The following CATSPERE variants were observed in gnomAD, a reference collection of about 807,000 sequenced individuals.
The protein encoded by CATSPERE is cation channel sperm-associated auxiliary subunit epsilon.
CATSPERE carries 93 observed loss-of-function variants against 114.1 expected under a neutral mutation model. The observed-to-expected ratio is 0.81, with a 90% CI of 0.69 to 0.97. CATSPERE has a LOEUF of 0.97. Among genes scored for constraint, CATSPERE ranks in the 50% least tolerant of loss-of-function variants. The pLI, the probability that CATSPERE is intolerant of heterozygous loss-of-function variation, is 0.00. For synonymous variants in CATSPERE, 341 were observed against 384.1 expected, an observed-to-expected ratio of 0.89 and a Z score of 1.31; for missense variants, 1,058 against 1,131.6, an observed-to-expected ratio of 0.93 and a Z score of 0.93.
intron 1 of CATSPERE, among the ~76,000 whole-genome samples, chr1:244,463,456 C>T (rs1667122252): frequency 6.6e-6 from 1 of 152,026 alleles, no homozygotes; most frequent in Non-Finnish European, 1.5e-5. Context: ...GAGAGGATCA[C>T]TTGAGCCTGG....
chr1:244,506,709 C>G (rs541979124), intron 7 of CATSPERE, among the ~76,000 whole-genome samples: 34 of 152,014 alleles, frequency 2.2e-4, no homozygotes, highest in Non-Finnish European at 4.3e-4. Context: ...GTGTAATGAT[C>G]AAATCAGGGT....
At chr1:244,491,868 C>T (rs1447381039) in intron 6 of CATSPERE, among the ~76,000 whole-genome samples, 3 of 152,202 alleles carry the variant, frequency 2.0e-5, no homozygotes, top group Admixed American at 1.3e-4. Flanking sequence ...TTCCTTGACA[C>T]ATACACTCTC....
At chr1:244,525,677 C>G (rs1407353775) in intron 8 of CATSPERE, among the ~76,000 whole-genome samples, 1 of 152,042 alleles carries the variant, frequency 6.6e-6, no homozygotes, top group Non-Finnish European at 1.5e-5. Flanking sequence ...ACTGTATACC[C>G]TAGAGAAATC....
At chr1:244,531,600 T>C (rs975702275) in intron 8 of CATSPERE, among the ~76,000 whole-genome samples, 3 of 152,240 alleles carry the variant, frequency 2.0e-5, no homozygotes, top group African/African-American at 7.2e-5. Flanking sequence ...ATGGCTTTTA[T>C]ACTTCATTCT....
At chr1:244,535,557 G>A (rs1680267656) in intron 8 of CATSPERE, among the ~76,000 whole-genome samples, 1 of 152,190 alleles carries the variant, frequency 6.6e-6, no homozygotes, top group South Asian at 2.1e-4. Flanking sequence ...GGCCCGCAGT[G>A]AGTGCTGTCA....
chr1:244,549,387 CCTT>C (rs956493693), intron 8 of CATSPERE, among the ~76,000 whole-genome samples: 5 of 151,306 alleles, frequency 3.3e-5, no homozygotes, highest in Admixed American at 6.6e-5. Flanking sequence ...AGTATTTCCT[CCTT>C]ATTTTGTTAA....
chr1:244,499,784 A>T (rs1673730650), intron 7 of CATSPERE, among the ~76,000 whole-genome samples: 1 of 152,058 alleles, frequency 6.6e-6, no homozygotes, highest in African/African-American at 2.4e-5. Flanking sequence ...TGCTGTTGTG[A>T]ATAGTGCTGC....
rs1675162913 is a variant in CATSPERE at position 244,639,989 on chromosome 1, C to A, written c.2764C>A (p.Leu922Ile). 6.5e-7 allele frequency: 1 copy of A among 1,548,090 alleles called. No homozygotes were observed. The highest frequency in any genetic ancestry group is 8.7e-7 in the Non-Finnish European group (1 of 1,145,988). ...CCTGATGCTGCTCTTCTTCACTATT[C>A]TTGTTTTGAGCTACTTTCGGTACAT... ...FVLMLLFFTI[L>I]VLSYFRYMRI... Residue 922 changes from leucine to isoleucine, a missense_variant, in exon 22 of 22, where the codon CTT becomes ATT. Around this residue, in one of 2 missense-constraint regions of CATSPERE, gnomAD observed 787 missense variants for 905.6 expected, o/e 0.87. Coordinates refer to ENST00000366534, the MANE Select transcript of CATSPERE (RefSeq NM_001130957.2).
At chr1:244,555,079 C>T (rs377215294) in intron 9 of CATSPERE, among the ~76,000 whole-genome samples, 1 of 152,016 alleles carries the variant, frequency 6.6e-6, no homozygotes, top group African/African-American at 2.4e-5. Flanking sequence ...ATTCAACATC[C>T]CTTCATGATA....
chr1:244,501,060 T>A (rs1309611777), intron 7 of CATSPERE, among the ~76,000 whole-genome samples: 3 of 152,222 alleles, frequency 2.0e-5, no homozygotes, highest in Non-Finnish European at 4.4e-5. Flanking sequence ...GTCCCTCACA[T>A]CCCTTGTAAG....
Position 244,606,062 on chromosome 1 carries a change from T to C in CATSPERE, c.2403+268T>C, listed in dbSNP as rs1275286364. 2.6e-5 allele frequency among the ~76,000 whole-genome samples: 4 copies of C among 152,186 alleles called. No individual in the cohort carries two copies. The South Asian group carries it at 8.3e-4, about 32-fold the overall frequency. On this transcript the variant is annotated intron_variant, in intron 18 of 21. Transcript: ENST00000366534. ...TATGAGTCTTCTTTTCTCTCCAAAC[T>C]GTATTCAGTGTTTGATTATTTATGG... is the stretch of plus-strand genomic sequence containing the variant.
At chr1:244,629,503 C>CTT (rs369560104) in intron 20 of CATSPERE, among the ~76,000 whole-genome samples, 4,986 of 82,094 alleles carry the variant, frequency 0.061, 14 homozygotes, top group Non-Finnish European at 0.071. Context: ...TCTCTCTTAC[C>CTT]TTTTTTTTTT....
chr1:244,612,012 C>T (rs1670800098), intron 19 of CATSPERE, among the ~76,000 whole-genome samples: 1 of 152,188 alleles, frequency 6.6e-6, no homozygotes, highest in African/African-American at 2.4e-5. Flanking sequence ...CTCAATGATA[C>T]TGATATGCTG....
intron 2 of CATSPERE, among the ~76,000 whole-genome samples, chr1:244,469,668 A>G (rs892760042): frequency 1.3e-5 from 2 of 152,222 alleles, no homozygotes; most frequent in African/African-American, 2.4e-5. Context: ...CTAATAAATT[A>G]TCTTAACAAT....
At chr1:244,589,751 G>A (rs1459719148) in intron 14 of CATSPERE, among the ~76,000 whole-genome samples, 3 of 152,190 alleles carry the variant, frequency 2.0e-5, no homozygotes, top group Admixed American at 6.5e-5. Flanking sequence ...TCCTTCTAAA[G>A]TGAGATGGAA....
At chr1:244,556,457 G>A (rs1398461744) in intron 9 of CATSPERE, among the ~76,000 whole-genome samples, 3 of 152,000 alleles carry the variant, frequency 2.0e-5, no homozygotes, top group African/African-American at 4.8e-5. Context: ...CTAATTAAAA[G>A]GCAGAGATTG....
chr1:244,558,675 G>T (rs1015919557), intron 9 of CATSPERE, among the ~76,000 whole-genome samples: 2 of 152,004 alleles, frequency 1.3e-5, no homozygotes, highest in Non-Finnish European at 2.9e-5. Flanking sequence ...TTGGTCATTG[G>T]GTAATTAACT....
chr1:244,584,006 T>C lies in CATSPERE; in HGVS notation c.2085+67T>C, dbSNP rs571194884. 8 of 1,256,892 alleles carry C rather than the reference T, an allele frequency of 6.4e-6. No individual in the cohort carries two copies. The African/African-American group carries it at 8.9e-5, about 14-fold the overall frequency. 77.9% of individuals were successfully genotyped at this position (1,256,892 alleles called of 1,614,324 possible). A position where few individuals can be genotyped will look rare whatever the true frequency, so the allele number is the denominator to read the frequency against. ...AATGTATAGGCGGTCAACCAAATAATGCATACAATACCTCCGTACAATACC... is the reference window on the plus strand; with the variant it reads ...AATGTATAGGCGGTCAACCAAATAACGCATACAATACCTCCGTACAATACC... On this transcript the variant is annotated intron_variant, in intron 13 of 21. Coordinates refer to ENST00000366534, the MANE Select transcript of CATSPERE (RefSeq NM_001130957.2).
intron 8 of CATSPERE, among the ~76,000 whole-genome samples, chr1:244,542,395 G>A (rs1658980751): frequency 6.6e-6 from 1 of 152,048 alleles, no homozygotes; most frequent in South Asian, 2.1e-4. Context: ...TTGAGTAATG[G>A]TGATATTTGG....
Sources: allele counts gnomAD v4.1 joint callset (sites outside exome capture counted in the v4.1 genomes callset), GRCh38; gene constraint gnomAD v4.1.1; regional missense constraint gnomAD v4.1.1; transcripts MANE v1.5; gene names NCBI Gene and HGNC (gene_info 2026-07-23, HGNC 2026-07-21).